The following TUSC3 variants were observed in gnomAD, a reference collection of about 807,000 sequenced individuals.
TUSC3 encodes tumor suppressor candidate 3.
TUSC3 carries 45 observed loss-of-function variants against 44.8 expected under a neutral mutation model. That is an observed-to-expected ratio of 1.00 (90% CI 0.79 to 1.29). TUSC3 has a LOEUF of 1.29. Ranked by LOEUF, TUSC3 falls within the 50% of genes most tolerant of loss-of-function variation. The pLI is 0.00. For missense variants in TUSC3, 519 were observed against 437.9 expected, an observed-to-expected ratio of 1.19 and a Z score of -1.65; for synonymous variants, 212 against 152.9, an observed-to-expected ratio of 1.39 and a Z score of -2.85.
chr8:15,531,996 C>G (rs188898728), intron 2 of TUSC3, among the ~76,000 whole-genome samples: 19 of 152,314 alleles, frequency 1.2e-4, no homozygotes, highest in Non-Finnish European at 2.4e-4. Flanking sequence ...CATTTTGCTT[C>G]AGGGTTCAAT....
chr8:15,755,344 TA>T (rs1350803432), intron 9 of TUSC3, among the ~76,000 whole-genome samples: 1 of 152,194 alleles, frequency 6.6e-6, no homozygotes, highest in African/African-American at 2.4e-5. Flanking sequence ...GATTACTCAA[TA>T]AATGTTTGAT....
chr8:15,634,245 ACCC>A (rs1298881743), intron 2 of TUSC3, among the ~76,000 whole-genome samples: 2 of 151,984 alleles, frequency 1.3e-5, no homozygotes, highest in Non-Finnish European at 2.9e-5. Flanking sequence ...TCATTAAGAA[ACCC>A]AGGTTGGCAG....
At chr8:15,646,692 A>G (rs1489725539) in intron 2 of TUSC3, among the ~76,000 whole-genome samples, 1 of 152,138 alleles carries the variant, frequency 6.6e-6, no homozygotes, top group Non-Finnish European at 1.5e-5. Context: ...AGAACTGCAG[A>G]AGAGGCCCTT....
chr8:15,544,408 AATTT>A (rs1410232996), intron 1 of TUSC3, among the ~76,000 whole-genome samples: 2 of 151,798 alleles, frequency 1.3e-5, no homozygotes, highest in African/African-American at 2.4e-5. Flanking sequence ...TATAATAATT[AATTT>A]ATCTTATCTG....
At chr8:15,827,030 G>T in the TUSC3 span, among the ~76,000 whole-genome samples, 9 of 152,120 alleles carry the variant, frequency 5.9e-5, no homozygotes, top group Admixed American at 5.9e-4. Flanking sequence ...TTGTCCAGCT[G>T]GATATTCAAA....
intron 2 of TUSC3, among the ~76,000 whole-genome samples, chr8:15,626,739 G>A (rs1408157347): frequency 1.3e-5 from 2 of 152,212 alleles, no homozygotes; most frequent in Non-Finnish European, 2.9e-5. Context: ...CCAGGTGTGT[G>A]CATGCTCAGG....
At chr8:15,818,031 T>G in the TUSC3 span, among the ~76,000 whole-genome samples, 1,240 of 152,180 alleles carry the variant, frequency 8.1e-3, 8 homozygotes, top group African/African-American at 0.022. Context: ...GAAGAACAAG[T>G]AGCAGTCAAG....
At chr8:15,827,850 G>A in the TUSC3 span, among the ~76,000 whole-genome samples, 10 of 152,240 alleles carry the variant, frequency 6.6e-5, no homozygotes, top group East Asian at 1.7e-3. Context: ...GTTGAAGGCT[G>A]TTTGGGATGT....
intron 1 of TUSC3, among the ~76,000 whole-genome samples, chr8:15,465,831 C>G (rs1341540809): frequency 6.6e-6 from 1 of 152,118 alleles, no homozygotes; most frequent in Non-Finnish European, 1.5e-5. Flanking sequence ...GTTGATTTTT[C>G]TCTCGAGTCT....
chr8:15,643,997 T>C (rs868494878), intron 2 of TUSC3, among the ~76,000 whole-genome samples: 1 of 152,214 alleles, frequency 6.6e-6, no homozygotes, highest in Non-Finnish European at 1.5e-5. Flanking sequence ...ACGAATCTGC[T>C]ATAAGAAGTT....
At chr8:15,800,215 T>G in the TUSC3 span, among the ~76,000 whole-genome samples, 1 of 152,198 alleles carries the variant, frequency 6.6e-6, no homozygotes. Flanking sequence ...AAAAGATTCA[T>G]GCCAAATTTG....
intron 1 of TUSC3, among the ~76,000 whole-genome samples, chr8:15,462,364 T>C (rs1440287461): frequency 6.6e-6 from 1 of 152,042 alleles, no homozygotes; most frequent in Non-Finnish European, 1.5e-5. Flanking sequence ...TGAAAAGACA[T>C]TTCTCCAAAG....
chr8:15,494,614 G>A lies in TUSC3; in HGVS notation n.189+11131G>A, dbSNP rs550239086. 2.0e-5 allele frequency among the ~76,000 whole-genome samples: 3 copies of A among 152,284 alleles called. No individual in the cohort carries two copies. In the East Asian group the frequency reaches 5.8e-4, roughly 29 times the overall value. The stretch of plus-strand genomic sequence containing the variant: ...TTAGAGGCGTGAGCCACCGCACCTG[G>A]CCTCTCATTTTCTTATCAAGATTTC... On this transcript the variant is annotated intron_variant and non_coding_transcript_variant, in intron 2 of 5. Coordinates refer to the TUSC3 transcript ENST00000503191.
At chr8:15,677,533 T>C (rs1210071465) in intron 6 of TUSC3, among the ~76,000 whole-genome samples, 1 of 152,232 alleles carries the variant, frequency 6.6e-6, no homozygotes, top group East Asian at 1.9e-4. Flanking sequence ...TTACTTATTC[T>C]CTCTGTTCTT....
intron 1 of TUSC3, among the ~76,000 whole-genome samples, chr8:15,557,045 T>C (rs1412021436): frequency 8.1e-6 from 1 of 124,096 alleles, no homozygotes; most frequent in East Asian, 2.9e-4. Flanking sequence ...TTTGTTGCCA[T>C]TGCTTTTGGT....
At chr8:15,762,261 A>T (rs905369480) in intron 10 of TUSC3, among the ~76,000 whole-genome samples, 1 of 152,044 alleles carries the variant, frequency 6.6e-6, no homozygotes, top group African/African-American at 2.4e-5. Flanking sequence ...ATAGAAGCAT[A>T]GGAAGTACTC....
At chr8:15,543,016 C>T (rs375375390) in intron 1 of TUSC3, among the ~76,000 whole-genome samples, 1 of 152,182 alleles carries the variant, frequency 6.6e-6, no homozygotes, top group African/African-American at 2.4e-5. Flanking sequence ...CTGGTACTCA[C>T]TAAGTTCACA....
rs185139351 is a variant in TUSC3 at position 15,482,867 on chromosome 8, T to C, written n.92-519T>C. 3.9e-5 allele frequency among the ~76,000 whole-genome samples: 6 copies of C among 152,344 alleles called. No individual in the cohort carries two copies. The East Asian group carries it at 1.2e-3, about 29-fold the overall frequency. Reference sequence around the variant, plus strand: ...GATAGAATACATGACTTTCTTCACCTTTTTACATTTTCTCATGTGTCCCAG... The same window carrying C: ...GATAGAATACATGACTTTCTTCACCCTTTTACATTTTCTCATGTGTCCCAG... On this transcript the variant is annotated intron_variant and non_coding_transcript_variant, in intron 1 of 5. Coordinates refer to the TUSC3 transcript ENST00000503191.
intron 1 of TUSC3, among the ~76,000 whole-genome samples, chr8:15,609,243 G>A (rs1043167709): frequency 6.6e-6 from 1 of 152,094 alleles, no homozygotes; most frequent in Admixed American, 6.6e-5. Context: ...CACATAATAT[G>A]TGGCCATTAA....
Sources: gnomAD v4.1 joint callset for allele counts (sites outside exome capture counted in the v4.1 genomes callset) on GRCh38, gnomAD v4.1.1 for gene constraint, MANE v1.5 for transcripts, NCBI Gene and HGNC (gene_info 2026-07-23, HGNC 2026-07-21) for gene names.